SBSPON: variants seen among roughly 807,000 people sequenced by gnomAD.
The protein encoded by SBSPON is somatomedin-B and thrombospondin type-1 domain-containing protein.
SBSPON carries 30 observed loss-of-function variants against 35.8 expected under a neutral mutation model. The observed-to-expected ratio is 0.84, with a 90% confidence interval of 0.63 to 1.14. The LOEUF (loss-of-function observed/expected upper bound fraction) is 1.14. SBSPON is among the 50% of genes most tolerant of loss of function. The probability of loss-of-function intolerance (pLI) is 0.00; values close to 1 mark genes in which losing one functional copy is unlikely to be tolerated. For synonymous variants in SBSPON, 136 were observed against 135.9 expected (o/e 1.00, Z 0.00); for missense variants, 364 against 357.7 (o/e 1.02, Z -0.14).
intron 2 of SBSPON, chr8:73,074,645 T>C (rs1810557567): frequency 1.1e-6 from 1 of 873,376 alleles, no homozygotes; most frequent in Non-Finnish European, 1.4e-6. Flanking sequence ...CCATGAATTA[T>C]TTAAATTTGG....
At chr8:73,085,255 C>T (rs1193651545) in intron 1 of SBSPON, among the ~76,000 whole-genome samples, 1 of 152,138 alleles carries the variant, frequency 6.6e-6, no homozygotes, top group African/African-American at 2.4e-5. Flanking sequence ...CAGGTAGGTC[C>T]AAGCTTCTCC....
At chr8:73,075,824 G>C in intron 2 of SBSPON, 1 of 744,336 alleles carries the variant, frequency 1.3e-6, no homozygotes, top group Non-Finnish European at 1.6e-6. Context: ...AATGCACATT[G>C]ATCTCCTTTT....
In SBSPON at chr8:73,093,144, G is replaced by T. The variant is rs1381864058; in HGVS notation, c.-77C>A. ...TCTGATCCTCGGCTGGCCGCGGCCC[G>T]GGAGCTGCCCGAGCGGCCGGCGAGG... On this transcript the variant is annotated 5_prime_UTR_variant, in exon 1 of 5. Coordinates refer to ENST00000297354, the MANE Select transcript of SBSPON (RefSeq NM_153225.4). 3.8e-6 allele frequency: 3 copies of T among 783,788 alleles called. No individual in the cohort carries two copies. Among genetic ancestry groups the T allele is most frequent in the South Asian group, 5.9e-5 (1 of 17,042 alleles). The allele number at this position is 783,788 out of a possible 1,614,324, so 48.6% of individuals were successfully genotyped here.
At chr8:73,072,108 CTG>C (rs1379764921) in intron 2 of SBSPON, among the ~76,000 whole-genome samples, 2 of 151,714 alleles carry the variant, frequency 1.3e-5, no homozygotes, top group African/African-American at 2.4e-5. Context: ...AGTAATAAAA[CTG>C]TGTGAGAGGA....
intron 2 of SBSPON, among the ~76,000 whole-genome samples, chr8:73,080,237 G>A (rs142897536): frequency 0.012 from 1,795 of 152,234 alleles, 39 homozygotes; most frequent in African/African-American, 0.041. Context: ...ATAAAAGGCC[G>A]GGCGCAGTGG....
intron 1 of SBSPON, among the ~76,000 whole-genome samples, chr8:73,091,940 C>T (rs567194649): frequency 1.3e-5 from 2 of 152,282 alleles, no homozygotes; most frequent in East Asian, 1.9e-4. Context: ...TCCTTCAGCT[C>T]GAACCCTAAT....
Position 73,067,348 on chromosome 8 carries a change from A to T in SBSPON, c.788T>A (p.Phe263Tyr). 1 of 1,552,922 alleles carries T rather than the reference A, an allele frequency of 6.4e-7. No homozygotes were observed. The highest frequency in any genetic ancestry group is 8.9e-7 in the Non-Finnish European group (1 of 1,124,852). ...CSCPAVHSFI[F>Y]I is the part of the protein sequence containing the mutation. ...AAATATTTATATCACCATCTATATA[A>T]AAATAAAACTGTGAACAGCTGGACA... is the stretch of plus-strand genomic sequence containing the variant. The change falls in exon 5 of 5, where the codon TTT (phenylalanine) becomes TAT (tyrosine). Residue 263 changes from phenylalanine to tyrosine, a missense_variant. Physicochemically the swap from Phe to Tyr is conservative, Grantham distance 22. Transcript: ENST00000297354.
chr8:73,068,006 A>G (rs1285465989), intron 4 of SBSPON, among the ~76,000 whole-genome samples: 1 of 152,086 alleles, frequency 6.6e-6, no homozygotes, highest in Non-Finnish European at 1.5e-5. Flanking sequence ...AGTGCTGCAT[A>G]AAGGAAAATG....
intron 1 of SBSPON, among the ~76,000 whole-genome samples, chr8:73,086,792 C>T (rs4737366): frequency 0.057 from 8,638 of 152,174 alleles, 468 homozygotes; most frequent in Admixed American, 0.17. Context: ...AGTACTTTTT[C>T]TTTCTGGGTA....
intron 2 of SBSPON, chr8:73,075,679 T>C (rs1810581189): frequency 3.0e-6 from 1 of 336,228 alleles, no homozygotes; most frequent in African/African-American, 2.2e-5. Flanking sequence ...TAAATTTGCT[T>C]TGAGAATTTC....
chr8:73,089,397 T>C (rs1810891667), intron 1 of SBSPON, among the ~76,000 whole-genome samples: 1 of 151,900 alleles, frequency 6.6e-6, no homozygotes, highest in South Asian at 2.1e-4. Context: ...CTACTTAAAT[T>C]ACAAAAAAAT....
intron 1 of SBSPON, 38 bp from the exon 2 acceptor site, chr8:73,081,251 T>G: frequency 1.3e-6 from 2 of 1,492,840 alleles, no homozygotes; most frequent in Non-Finnish European, 9.0e-7. Flanking sequence ...CCTGAGTAAA[T>G]CCCGCCAGGC....
At chr8:73,076,861 T>A (rs943793236) in intron 2 of SBSPON, among the ~76,000 whole-genome samples, 24 of 152,184 alleles carry the variant, frequency 1.6e-4, no homozygotes, top group Non-Finnish European at 2.9e-4. Context: ...GAAACCCATG[T>A]CAGATTCTGA....
rs1004553301 is a variant in SBSPON at position 73,073,836 on chromosome 8, C to CA, written c.410-1967dup. Among the ~76,000 whole-genome samples the CA allele has an allele frequency of 9.3e-5, 14 of 150,922 alleles. 1 individual carries two copies. Among genetic ancestry groups the CA allele is most frequent in the South Asian group, 2.1e-4 (1 of 4,766 alleles). On this transcript the variant is annotated intron_variant, in intron 2 of 4. Coordinates refer to ENST00000297354, the MANE Select transcript of SBSPON (RefSeq NM_153225.4). ...AAACAAAAACAAAAACAAAAAAAAA[C>CA]AGACAAGAGCAGCTGCCTAATACCG...
intron 1 of SBSPON, 79 bp downstream of exon 1, chr8:73,092,775 T>A: frequency 8.9e-7 from 1 of 1,123,264 alleles, no homozygotes. Context: ...GGGACTGAGG[T>A]CCTTGGCACA....
rs1445443535 is a variant in SBSPON at position 73,065,265 on chromosome 8, T to C, written c.*2076A>G. On this transcript the variant is annotated 3_prime_UTR_variant, in exon 5 of 5. Transcript: ENST00000297354. ...TTTTATACACCTCAATTATGTTAAA[T>C]GTTATAACACATATCGGAACTATAA... 6.6e-6 allele frequency: 1 copy of C among 152,224 alleles called. No individual in the cohort carries two copies. The highest frequency in any genetic ancestry group is 1.5e-5 in the Non-Finnish European group (1 of 68,042). The allele number at this position is 152,224 out of a possible 1,614,324, so 9.4% of individuals were successfully genotyped here.
At chr8:73,089,756 A>C (rs2130044392) in intron 1 of SBSPON, among the ~76,000 whole-genome samples, 1 of 152,362 alleles carries the variant, frequency 6.6e-6, no homozygotes, top group Non-Finnish European at 1.5e-5. Context: ...GCTAAGAGCC[A>C]ACCAACAGTA....
At chr8:73,079,385 C>T (rs779347856) in intron 2 of SBSPON, among the ~76,000 whole-genome samples, 5 of 152,122 alleles carry the variant, frequency 3.3e-5, no homozygotes, top group South Asian at 2.1e-4. Context: ...GCTGTGAGGA[C>T]GTCCTCTCTC....
intron 1 of SBSPON, among the ~76,000 whole-genome samples, chr8:73,087,374 A>C (rs1240740461): frequency 6.6e-6 from 1 of 152,176 alleles, no homozygotes; most frequent in Non-Finnish European, 1.5e-5. Context: ...CAAGTAAGTT[A>C]ATAACTGTGA....
Sources: allele counts gnomAD v4.1 joint callset (sites outside exome capture counted in the v4.1 genomes callset), GRCh38; gene constraint gnomAD v4.1.1; transcripts MANE v1.5; gene names NCBI Gene and HGNC (gene_info 2026-07-23, HGNC 2026-07-21).